The following FURIN variants were observed in gnomAD, a reference collection of about 807,000 sequenced individuals.
FURIN encodes the protein furin, paired basic amino acid cleaving enzyme, also known as FES upstream region.
Under a neutral mutation model 89.2 loss-of-function variants are expected in FURIN, and 18 were observed. The observed-to-expected ratio is 0.20, with a 90% CI of 0.14 to 0.30. FURIN has a LOEUF of 0.30. FURIN is among the 10% of genes least tolerant of loss of function. The probability of loss-of-function intolerance (pLI) is 1.00; values close to 1 mark genes in which losing one functional copy is unlikely to be tolerated. For missense variants in FURIN, 879 were observed against 1,100.5 expected (o/e 0.80, Z 2.85); for synonymous variants, 508 against 466.4 (o/e 1.09, Z -1.15).
chr15:90,875,779 A>T lies in FURIN; in HGVS notation c.39A>T (p.Ala13=). The T allele has an allele frequency of 6.4e-7, 1 of 1,556,578 alleles. No homozygotes were observed. The highest frequency in any genetic ancestry group is 8.7e-7 in the Non-Finnish European group (1 of 1,149,342). Residue 13 remains alanine, a synonymous_variant, in exon 2 of 16, where the codon GCA becomes GCT. Transcript: ENST00000268171. ...CCTGGTTGCTATGGGTGGTAGCAGC[A>T]ACAGGAACCTTGGTCCTGCTAGCAG... The part of the protein sequence containing the change: ...LRPWLLWVVA[A]TGTLVLLAAD...
chr15:90,869,239 A>C (rs936842842), intron 1 of FURIN, among the ~76,000 whole-genome samples: 9 of 152,142 alleles, frequency 5.9e-5, no homozygotes. Flanking sequence ...AGTCCTGCTA[A>C]CTGCTGTGTA....
Position 90,878,983 on chromosome 15 carries a change from CT to C in FURIN, c.1053+9del. The C allele has an allele frequency of 6.6e-7, 1 of 1,504,390 alleles. No individual in the cohort carries two copies. Among genetic ancestry groups the C allele is most frequent in the Non-Finnish European group, 9.1e-7 (1 of 1,099,424 alleles). 93.2% of individuals were successfully genotyped at this position (1,504,390 alleles called of 1,614,324 possible). On this transcript the variant is annotated splice_region_variant and intron_variant, in intron 9 of 15. Transcript: ENST00000268171. ...CCAGAATGAGAAGCAGATCGTGAGT[CT>C]TACCTGGGGGTGGGGGCTGGGGAGA...
Position 90,875,886 on chromosome 15 carries a change from C to A in FURIN, c.146C>A (p.Ala49Glu), listed in dbSNP as rs1388182317. The change falls in exon 2 of 16, where the codon GCA becomes GAA. Residue 49 changes from alanine to glutamate, a missense_variant. By Grantham distance (107) the Ala-to-Glu change is moderately radical (BLOSUM62 -1). This residue lies in a region of FURIN where 125 missense variants were observed against 125.0 expected (regional missense o/e 1.00). Coordinates refer to ENST00000268171, the MANE Select transcript of FURIN (RefSeq NM_002569.4). ...GGCCCAGCGGTGGCCAACAGTGTGG[C>A]ACGGAAGCATGGGTTCCTCAACCTG... Reference protein sequence around the residue: ...PGGPAVANSVARKHGFLNLGQ... With the variant: ...PGGPAVANSVERKHGFLNLGQ... 6.3e-7 allele frequency: 1 copy of A among 1,590,298 alleles called. No homozygotes were observed. Among genetic ancestry groups the A allele is most frequent in the Non-Finnish European group, 8.6e-7 (1 of 1,169,584 alleles).
At position 90,881,618 on chromosome 15, in the gene FURIN, C is replaced by T. The variant is rs774226809; in HGVS notation, c.2125C>T (p.Leu709=). The change falls in exon 16 of 16, where the codon CTG becomes TTG. Residue 709 remains leucine, a synonymous_variant. Coordinates refer to ENST00000268171, the MANE Select transcript of FURIN (RefSeq NM_002569.4). The surrounding 1 kb of genome is among the most constrained non-coding windows in gnomAD (Gnocchi z 4.3). ...EAGQRLRAGL[L]PSHLPEVVAG... is the part of the protein sequence containing the mutation. ...GGGGCAACGGCTGCGGGCAGGGCTGCTGCCCTCACACCTGCCTGAGGTGGT... is the reference window on the plus strand; with the variant it reads ...GGGGCAACGGCTGCGGGCAGGGCTGTTGCCCTCACACCTGCCTGAGGTGGT... The T allele has an allele frequency of 6.2e-7, 1 of 1,600,470 alleles. No individual in the cohort carries two copies. The highest frequency in any genetic ancestry group is 8.5e-7 in the Non-Finnish European group (1 of 1,171,710).
Position 90,881,607 on chromosome 15 carries a change from G to T in FURIN, c.2114G>T (p.Arg705Leu). ...PPEVEAGQRL[R>L]AGLLPSHLPE... ...GAGGTGGAGGCGGGGCAACGGCTGC[G>T]GGCAGGGCTGCTGCCCTCACACCTG... is the stretch of plus-strand genomic sequence containing the variant. Residue 705 changes from arginine (R) to leucine (L), a missense_variant, in exon 16 of 16, where the codon CGG (arginine) becomes CTG (leucine). Physicochemically the swap from Arg to Leu is moderately radical, Grantham distance 102 (BLOSUM62 -2). Coordinates refer to ENST00000268171, the MANE Select transcript of FURIN (RefSeq NM_002569.4). This position sits in a 1 kb window ranked among gnomAD's most constrained non-coding sequence, Gnocchi z 4.3. 1 of 1,603,618 alleles carries T rather than the reference G, an allele frequency of 6.2e-7. No individual in the cohort carries two copies. The highest frequency in any genetic ancestry group is 8.5e-7 in the Non-Finnish European group (1 of 1,173,704).
chr15:90,880,969 C>T lies in FURIN; in HGVS notation c.1721C>T (p.Ala574Val). 1 of 1,614,114 alleles carries T rather than the reference C, an allele frequency of 6.2e-7. No homozygotes were observed. Among genetic ancestry groups the T allele is most frequent in the Non-Finnish European group, 8.5e-7 (1 of 1,179,960 alleles). Residue 574 changes from alanine to valine, a missense_variant, in exon 15 of 16, where the codon GCC (alanine) becomes GTC (valine). Around this residue, in one of 5 missense-constraint regions of FURIN, gnomAD observed 457 missense variants for 490.7 expected, o/e 0.93. Transcript: ENST00000268171. Reference protein sequence around the residue: ...TKFTLVLYGTAPEGLPVPPES... With the variant: ...TKFTLVLYGTVPEGLPVPPES... ...TTCACCCTCGTACTCTATGGCACCG[C>T]CCCTGAGGGGCTGCCCGTACCTCCA...
At position 90,880,143 on chromosome 15, in the gene FURIN, G is replaced by C. The variant is rs1210427410; in HGVS notation, c.1426G>C (p.Gly476Arg). 1.2e-6 allele frequency: 2 copies of C among 1,611,430 alleles called. No homozygotes were observed. The highest frequency in any genetic ancestry group is 1.7e-5 in the Admixed American group (1 of 59,906). ...GCGGAAGACCGTGACCGCGTGCCTG[G>C]GCGAGCCCAACCACATCACTCGGCT... ...EVRKTVTACL[G>R]EPNHITRLEH... is the part of the protein sequence containing the mutation. Residue 476 changes from glycine to arginine, a missense_variant, in exon 13 of 16, where the codon GGC becomes CGC. This residue lies in a region of FURIN where 457 missense variants were observed against 490.7 expected (regional missense o/e 0.93). Transcript: ENST00000268171.
At position 90,877,524 on chromosome 15, in the gene FURIN, C is replaced by A; in HGVS notation, c.579-3C>A. The A allele has an allele frequency of 6.4e-7, 1 of 1,565,788 alleles. No homozygotes were observed. Among genetic ancestry groups the A allele is most frequent in the Non-Finnish European group, 8.7e-7 (1 of 1,154,698 alleles). On this transcript the variant is annotated splice_region_variant and splice_polypyrimidine_tract_variant and intron_variant, in intron 6 of 15. Coordinates refer to ENST00000268171, the MANE Select transcript of FURIN (RefSeq NM_002569.4). ...ACTCATGCTACGTGCTTGGCCCTGG[C>A]AGGCACGGCACACGGTGTGCGGGGG...
intron 7 of FURIN, 114 bp from the exon 8 acceptor site, chr15:90,878,018 C>A: frequency 1.0e-6 from 1 of 982,892 alleles, no homozygotes; most frequent in Non-Finnish European, 1.5e-6. Context: ...CATCAGCCTC[C>A]ACCCTTCCCT....
Position 90,875,605 on chromosome 15 carries a change from A to T in FURIN, c.-136A>T. The T allele has an allele frequency of 1.4e-6, 1 of 693,016 alleles. No homozygotes were observed. Among genetic ancestry groups the T allele is most frequent in the Non-Finnish European group, 2.3e-6 (1 of 428,410 alleles). 42.9% of individuals were successfully genotyped at this position (693,016 alleles called of 1,614,324 possible). A position where few individuals can be genotyped will look rare whatever the true frequency, so the allele number is the denominator to read the frequency against. On this transcript the variant is annotated 5_prime_UTR_variant, in exon 2 of 16. Coordinates refer to ENST00000268171, the MANE Select transcript of FURIN (RefSeq NM_002569.4). ...AGGGTCGGCACTCTTCACCCTCCCGAGCCCTGCCCGTCTCGGCCCCATGCC... is the reference window on the plus strand; with the variant it reads ...AGGGTCGGCACTCTTCACCCTCCCGTGCCCTGCCCGTCTCGGCCCCATGCC...
At chr15:90,872,030 T>C (rs1293734595) in intron 1 of FURIN, among the ~76,000 whole-genome samples, 2 of 150,992 alleles carry the variant, frequency 1.3e-5, no homozygotes, top group Non-Finnish European at 3.0e-5. Context: ...CGCCGGGTGC[T>C]CCAGCCTCCC....
chr15:90,881,494 C>T lies in FURIN; in HGVS notation c.2001C>T (p.Ser667=). The T allele has an allele frequency of 1.2e-6, 2 of 1,612,128 alleles. No individual in the cohort carries two copies. The highest frequency in any genetic ancestry group is 1.7e-6 in the Non-Finnish European group (2 of 1,179,768). Residue 667 remains serine, a synonymous_variant, in exon 16 of 16, where the codon TCC becomes TCT. Transcript: ENST00000268171. This position sits in a 1 kb window ranked among gnomAD's most constrained non-coding sequence, Gnocchi z 4.3. ...GCCTCAGCTGCCCCAGCCACGCCTC[C>T]TTGGACCCTGTGGAGCAGACTTGCT... ...TDCLSCPSHA[S]LDPVEQTCSR... is the part of the protein sequence containing the mutation.
Position 90,881,856 on chromosome 15 carries a change from T to C in FURIN, c.2363T>C (p.Ile788Thr), listed in dbSNP as rs1437033957. Residue 788 changes from isoleucine to threonine, a missense_variant, in exon 16 of 16, where the codon ATC becomes ACC. Coordinates refer to ENST00000268171, the MANE Select transcript of FURIN (RefSeq NM_002569.4). This position sits in a 1 kb window ranked among gnomAD's most constrained non-coding sequence, Gnocchi z 4.3. Reference protein sequence around the residue: ...DEGRGERTAFIKDQSAL With the variant: ...DEGRGERTAFTKDQSAL ...GGCCGGGGCGAGAGGACCGCCTTTA[T>C]CAAAGACCAGAGCGCCCTCTGATGA... is the stretch of plus-strand genomic sequence containing the variant. The C allele has an allele frequency of 6.2e-7, 1 of 1,612,584 alleles. No homozygotes were observed.
rs2032045800 is a variant in FURIN, at chr15:90,882,526, A to G, written c.*648A>G. The G allele has an allele frequency of 6.5e-6, 1 of 153,218 alleles. No individual in the cohort carries two copies. The highest frequency in any genetic ancestry group is 2.1e-4 in the South Asian group (1 of 4,862). 9.5% of individuals were successfully genotyped at this position (153,218 alleles called of 1,614,324 possible). A position where few individuals can be genotyped will look rare whatever the true frequency, so the allele number is the denominator to read the frequency against. On this transcript the variant is annotated 3_prime_UTR_variant, in exon 16 of 16. Transcript: ENST00000268171. Reference sequence around the variant, plus strand: ...GCAGCCAAGGCCGAAGCTCTGGCTGAACCCTGTGCTGGTGTCCTGACCACC... The same window carrying G: ...GCAGCCAAGGCCGAAGCTCTGGCTGGACCCTGTGCTGGTGTCCTGACCACC...
chr15:90,868,654 G>A lies in FURIN; in HGVS notation c.-217G>A, dbSNP rs895188185. On this transcript the variant is annotated 5_prime_UTR_variant, in exon 1 of 16. Coordinates refer to ENST00000268171, the MANE Select transcript of FURIN (RefSeq NM_002569.4). ...CCTGACTGTTGCAGCTGCAGTGAGT[G>A]GCGGGGAAGCAGCAGCGGCCAGGAT... is the stretch of plus-strand genomic sequence containing the variant. 2.0e-5 allele frequency: 3 copies of A among 152,270 alleles called. No individual in the cohort carries two copies. The highest frequency in any genetic ancestry group is 7.2e-5 in the African/African-American group (3 of 41,456). 9.4% of individuals were successfully genotyped at this position (152,270 alleles called of 1,614,324 possible).
Position 90,880,702 on chromosome 15 carries a change from A to G in FURIN, c.1568A>G (p.Tyr523Cys), listed in dbSNP as rs1246942823. The G allele has an allele frequency of 1.9e-6, 3 of 1,613,350 alleles. No individual in the cohort carries two copies. The highest frequency in any genetic ancestry group is 2.5e-6 in the Non-Finnish European group (3 of 1,179,686). ...ACTCCCCTCCCCAGGCCACATGACT[A>G]CTCCGCAGATGGGTTTAATGACTGG... ...STLLAARPHD[Y>C]SADGFNDWAF... Residue 523 changes from tyrosine to cysteine, a missense_variant, in exon 14 of 16, where the codon TAC (tyrosine) becomes TGC (cysteine). Tyr to Cys is a radical substitution (Grantham distance 194). This residue lies in a region of FURIN where 457 missense variants were observed against 490.7 expected (regional missense o/e 0.93). Coordinates refer to ENST00000268171, the MANE Select transcript of FURIN (RefSeq NM_002569.4).
intron 1 of FURIN, among the ~76,000 whole-genome samples, chr15:90,871,855 G>A (rs914146813): frequency 6.6e-6 from 1 of 150,576 alleles, no homozygotes; most frequent in Non-Finnish European, 1.5e-5. Context: ...TGGAGCTGCC[G>A]GGAGCAGACA....
rs200654866 is a variant in FURIN at position 90,879,540 on chromosome 15, G to A, written c.1150G>A (p.Ala384Thr). The A allele has an allele frequency of 5.9e-5, 95 of 1,609,440 alleles. No homozygotes were observed. Among genetic ancestry groups the A allele is most frequent in the Admixed American group, 2.0e-4 (12 of 60,008 alleles). ...CGGCATCATTGCTCTCACCCTGGAG[G>A]CCAAGTAAGTGGGTGGGGGCCAGCG... is the stretch of plus-strand genomic sequence containing the variant. Reference protein sequence around the residue: ...AAGIIALTLEANKNLTWRDMQ... With the variant: ...AAGIIALTLETNKNLTWRDMQ... Residue 384 changes from alanine to threonine, a missense_variant, in exon 10 of 16, where the codon GCC (alanine) becomes ACC (threonine). Coordinates refer to ENST00000268171, the MANE Select transcript of FURIN (RefSeq NM_002569.4).
In FURIN at chr15:90,871,077, C is replaced by G. The variant is rs2031261046; in HGVS notation, c.-160+2366C>G. Among the ~76,000 whole-genome samples the G allele has an allele frequency of 2.0e-5, 3 of 152,316 alleles. No homozygotes were observed. The South Asian group carries it at 6.2e-4, about 32-fold the overall frequency. On this transcript the variant is annotated intron_variant, in intron 1 of 15. Coordinates refer to ENST00000268171, the MANE Select transcript of FURIN (RefSeq NM_002569.4). ...AACAGTAGGCCAAGAGGAGGCTGGTCCTGCCGCCGTGCAGTCCTCCCTCGA... is the reference window on the plus strand; with the variant it reads ...AACAGTAGGCCAAGAGGAGGCTGGTGCTGCCGCCGTGCAGTCCTCCCTCGA...
Sources: allele counts gnomAD v4.1 joint callset (sites outside exome capture counted in the v4.1 genomes callset), GRCh38; gene constraint gnomAD v4.1.1; regional missense constraint gnomAD v4.1.1; non-coding constraint Gnocchi (gnomAD v3.1); transcripts MANE v1.5; gene names NCBI Gene and HGNC (gene_info 2026-07-23, HGNC 2026-07-21).